RPS6KC1: variants seen among roughly 807,000 people sequenced by gnomAD.
RPS6KC1 encodes the protein ribosomal protein S6 kinase C1, also known as inactive ribosomal protein S6 kinase delta-1.
A neutral mutation model predicts 103.8 loss-of-function variants in RPS6KC1; 54 were observed. The observed-to-expected ratio is 0.52, with a 90% confidence interval of 0.42 to 0.65. RPS6KC1 has a LOEUF of 0.65. Ranked by LOEUF, RPS6KC1 falls within the 30% of genes least tolerant of loss-of-function variation. The probability of loss-of-function intolerance (pLI) is 0.00; values close to 1 mark genes in which losing one functional copy is unlikely to be tolerated. For synonymous variants in RPS6KC1, 439 were observed against 438.7 expected (o/e 1.00, Z -0.01); for missense variants, 1,151 against 1,253.8 (o/e 0.92, Z 1.24).
At chr1:213,632,033 T>G in the RPS6KC1 span, among the ~76,000 whole-genome samples, 1 of 152,220 alleles carries the variant, frequency 6.6e-6, no homozygotes, top group Non-Finnish European at 1.5e-5. Flanking sequence ...GTTTGCTTCT[T>G]TTATTCAGCA....
chr1:213,501,895 A>G, the RPS6KC1 span, among the ~76,000 whole-genome samples: 2 of 152,242 alleles, frequency 1.3e-5, no homozygotes, highest in African/African-American at 4.8e-5. Context: ...AGCAACATGC[A>G]ATCTGCAAGT....
At chr1:213,060,710 A>G (rs1351592286) in intron 1 of RPS6KC1, among the ~76,000 whole-genome samples, 2 of 152,198 alleles carry the variant, frequency 1.3e-5, no homozygotes, top group East Asian at 3.8e-4. Context: ...CTTGATTGGA[A>G]AATAGTTTAG....
the RPS6KC1 span, among the ~76,000 whole-genome samples, chr1:213,799,530 TA>T: frequency 8.5e-5 from 13 of 152,076 alleles, no homozygotes; most frequent in African/African-American, 3.1e-4. Context: ...ATTTTCTACT[TA>T]AAAAAAGAAA....
At chr1:213,470,783 A>G in the RPS6KC1 span, among the ~76,000 whole-genome samples, 4 of 151,752 alleles carry the variant, frequency 2.6e-5, no homozygotes, top group African/African-American at 9.7e-5. Context: ...ACCTGCCACA[A>G]CTGGCTAATT....
At chr1:213,370,286 T>TATTTTATTTTATTTTATTTTATTTTA in the RPS6KC1 span, among the ~76,000 whole-genome samples, 15 of 150,354 alleles carry the variant, frequency 1.0e-4, no homozygotes, top group African/African-American at 3.7e-4. Context: ...TATTTTATTT[T>TATTTTATTTTATTTTATTTTATTTTA]TTTTGCATGT....
chr1:213,216,652 A>C (rs1045623448), intron 8 of RPS6KC1, among the ~76,000 whole-genome samples: 4 of 152,236 alleles, frequency 2.6e-5, no homozygotes, highest in African/African-American at 9.6e-5. Flanking sequence ...GTAAAAGAAC[A>C]GAAATTATAA....
intron 3 of RPS6KC1, among the ~76,000 whole-genome samples, chr1:213,099,123 T>G (rs2148725369): frequency 6.6e-6 from 1 of 152,332 alleles, no homozygotes; most frequent in Middle Eastern, 3.4e-3. Flanking sequence ...TAGAGAATGG[T>G]TGCAAGGTTA....
the RPS6KC1 span, among the ~76,000 whole-genome samples, chr1:213,538,022 G>T: frequency 1.3e-5 from 2 of 152,272 alleles, no homozygotes; most frequent in Admixed American, 1.3e-4. Context: ...GGGAGTCCAA[G>T]GGGGAAGAGA....
chr1:213,323,718 C>T, the RPS6KC1 span, among the ~76,000 whole-genome samples: 2 of 151,886 alleles, frequency 1.3e-5, no homozygotes, highest in Admixed American at 1.3e-4. Flanking sequence ...TTTTTTAGAG[C>T]AGTTTTAGGT....
chr1:213,113,716 C>T (rs2083274976), intron 4 of RPS6KC1, among the ~76,000 whole-genome samples: 1 of 151,792 alleles, frequency 6.6e-6, no homozygotes, highest in Admixed American at 6.6e-5. Flanking sequence ...GTCTTTAATC[C>T]ATCTTGAATT....
chr1:213,783,160 A>G, the RPS6KC1 span, among the ~76,000 whole-genome samples: 1 of 152,230 alleles, frequency 6.6e-6, no homozygotes, highest in African/African-American at 2.4e-5. Flanking sequence ...CAGACACCGC[A>G]GTATGACAGC....
chr1:213,570,807 A>G, the RPS6KC1 span, among the ~76,000 whole-genome samples: 1 of 152,210 alleles, frequency 6.6e-6, no homozygotes, highest in Non-Finnish European at 1.5e-5. Flanking sequence ...ACACCCTTCC[A>G]CATTGATCCC....
chr1:213,704,381 G>A, the RPS6KC1 span, among the ~76,000 whole-genome samples: 5 of 91,458 alleles, frequency 5.5e-5, no homozygotes, highest in African/African-American at 1.4e-4. Flanking sequence ...GCGAGACTCC[G>A]TCTCAAAAAA....
intron 14 of RPS6KC1, among the ~76,000 whole-genome samples, chr1:213,267,175 C>A (rs748602415): frequency 1.3e-5 from 2 of 151,702 alleles, no homozygotes; most frequent in South Asian, 4.2e-4. Context: ...TTCTGCTATG[C>A]GTTGGCAGAG....
the RPS6KC1 span, among the ~76,000 whole-genome samples, chr1:213,410,444 G>T: frequency 6.6e-6 from 1 of 152,156 alleles, no homozygotes; most frequent in Admixed American, 6.5e-5. Flanking sequence ...CTTTGTGAAG[G>T]CATTGGGGCT....
chr1:213,635,968 C>A, the RPS6KC1 span, among the ~76,000 whole-genome samples: 1 of 152,294 alleles, frequency 6.6e-6, no homozygotes, highest in East Asian at 1.9e-4. Flanking sequence ...TTCCTATACA[C>A]CAATAACAGA....
the RPS6KC1 span, among the ~76,000 whole-genome samples, chr1:213,596,945 T>A: frequency 6.6e-6 from 1 of 152,150 alleles, no homozygotes; most frequent in East Asian, 1.9e-4. Flanking sequence ...GTGGACGGAG[T>A]CACTGTGACT....
chr1:213,464,252 GA>G, the RPS6KC1 span, among the ~76,000 whole-genome samples: 1 of 152,064 alleles, frequency 6.6e-6, no homozygotes, highest in Non-Finnish European at 1.5e-5. Context: ...GTCAGTATTT[GA>G]TATGGATTGG....
the RPS6KC1 span, among the ~76,000 whole-genome samples, chr1:213,751,254 A>C: frequency 1.3e-5 from 2 of 152,116 alleles, no homozygotes; most frequent in Non-Finnish European, 2.9e-5. Flanking sequence ...GGCTGGGAAC[A>C]CAGGAGAGCA....
Sources: allele counts gnomAD v4.1 joint callset (sites outside exome capture counted in the v4.1 genomes callset), GRCh38; gene constraint gnomAD v4.1.1; transcripts MANE v1.5; gene names NCBI Gene and HGNC (gene_info 2026-07-23, HGNC 2026-07-21).